Variants in CMC1 observed in about 807,000 individuals in gnomAD.
CMC1 encodes the protein COX assembly mitochondrial protein homolog.
Under a neutral mutation model 14.1 loss-of-function variants are expected in CMC1, and 14 were observed. The observed-to-expected ratio is 0.99, with a 90% CI of 0.66 to 1.55. The LOEUF (loss-of-function observed/expected upper bound fraction) is 1.55, where lower values mean the gene tolerates loss of function less well. Among genes scored for constraint, CMC1 ranks in the 40% most tolerant of loss-of-function variants. The pLI is 0.00. For missense variants in CMC1, 127 were observed against 123.8 expected (o/e 1.03, Z -0.12); for synonymous variants, 50 against 38.4 (o/e 1.30, Z -1.12).
At chr3:28,309,623 T>A (rs971011491) in intron 2 of CMC1, among the ~76,000 whole-genome samples, 3 of 152,144 alleles carry the variant, frequency 2.0e-5, no homozygotes, top group Non-Finnish European at 4.4e-5. Flanking sequence ...TGTACTAACT[T>A]TCTATCCAGT....
chr3:28,253,263 GA>G (rs1312977155), intron 1 of CMC1, among the ~76,000 whole-genome samples: 1 of 152,142 alleles, frequency 6.6e-6, no homozygotes, highest in Non-Finnish European at 1.5e-5. Context: ...TCTGCCTTTT[GA>G]GACTCTTCAT....
chr3:28,247,626 C>G (rs925894680), intron 1 of CMC1, among the ~76,000 whole-genome samples: 1 of 152,220 alleles, frequency 6.6e-6, no homozygotes, highest in Admixed American at 6.5e-5. Context: ...GATACCAGCT[C>G]TATCCTAAAA....
Position 28,324,312 on chromosome 3 carries a change from T to C in CMC1, c.*4683T>C. 2 of 1,606,992 alleles carry C rather than the reference T, an allele frequency of 1.2e-6. No homozygotes were observed. The highest frequency in any genetic ancestry group is 1.7e-6 in the Non-Finnish European group (2 of 1,175,492). On this transcript the variant is annotated 3_prime_UTR_variant, in exon 4 of 4. Coordinates refer to ENST00000466830, the MANE Select transcript of CMC1 (RefSeq NM_182523.2). ...CTGATAAAACCTTTACATCTCCTGG[T>C]AAAGGGGAAGATGTGGTATGACAAA... is the stretch of plus-strand genomic sequence containing the variant.
intron 2 of CMC1, among the ~76,000 whole-genome samples, chr3:28,301,794 A>G (rs927619515): frequency 6.6e-6 from 1 of 152,186 alleles, no homozygotes; most frequent in Non-Finnish European, 1.5e-5. Context: ...GCGCTGAGCC[A>G]GGAGAAGAGA....
chr3:28,295,529 C>T (rs1056882950), intron 2 of CMC1, among the ~76,000 whole-genome samples: 1 of 152,040 alleles, frequency 6.6e-6, no homozygotes, highest in African/African-American at 2.4e-5. Flanking sequence ...GAAAATGTAA[C>T]CTACTAGGTC....
intron 2 of CMC1, among the ~76,000 whole-genome samples, chr3:28,297,565 G>A (rs1031407704): frequency 6.6e-6 from 1 of 152,036 alleles, no homozygotes; most frequent in African/African-American, 2.4e-5. Flanking sequence ...AATTATTTTA[G>A]AGCTGAAATG....
intron 2 of CMC1, among the ~76,000 whole-genome samples, chr3:28,306,873 T>C (rs1445327065): frequency 6.6e-6 from 1 of 152,138 alleles, no homozygotes; most frequent in Admixed American, 6.5e-5. Context: ...TCTCCAATCC[T>C]GACCTCAGGT....
intron 2 of CMC1, among the ~76,000 whole-genome samples, chr3:28,307,184 A>G (rs1350305501): frequency 6.6e-6 from 1 of 152,202 alleles, no homozygotes; most frequent in African/African-American, 2.4e-5. Context: ...AATGGGATAC[A>G]AGTTTTTGTT....
In CMC1 at chr3:28,322,415, T is replaced by G. The variant is rs962817517; in HGVS notation, c.*2786T>G. On this transcript the variant is annotated 3_prime_UTR_variant, in exon 4 of 4. Coordinates refer to ENST00000466830, the MANE Select transcript of CMC1 (RefSeq NM_182523.2). ...AATTTCTTGGTATTGTTCAAAACAT[T>G]AATCAAGCAATTATCTCATAAGACT... is the stretch of plus-strand genomic sequence containing the variant. 1 of 151,642 alleles carries G rather than the reference T, an allele frequency of 6.6e-6. No individual in the cohort carries two copies. Among genetic ancestry groups the G allele is most frequent in the Non-Finnish European group, 1.5e-5 (1 of 67,432 alleles). The allele number at this position is 151,642 out of a possible 1,614,324, so 9.4% of individuals were successfully genotyped here.
chr3:28,255,336 G>T (rs1395309950), intron 1 of CMC1, among the ~76,000 whole-genome samples: 1 of 151,362 alleles, frequency 6.6e-6, no homozygotes, highest in Non-Finnish European at 1.5e-5. Context: ...CGCCTCCCGG[G>T]TTCAAGCAAT....
At chr3:28,300,145 G>A (rs755226350) in intron 2 of CMC1, among the ~76,000 whole-genome samples, 4 of 151,796 alleles carry the variant, frequency 2.6e-5, no homozygotes, top group East Asian at 3.9e-4. Context: ...AAAGTATCAC[G>A]TTATCATTGT....
At chr3:28,285,594 T>C (rs770925144) in intron 2 of CMC1, among the ~76,000 whole-genome samples, 2 of 151,628 alleles carry the variant, frequency 1.3e-5, no homozygotes, top group Non-Finnish European at 2.9e-5. Flanking sequence ...ATTCAGATGA[T>C]GGTTACACTA....
chr3:28,253,359 T>C (rs1286348784), intron 1 of CMC1, among the ~76,000 whole-genome samples: 1 of 152,094 alleles, frequency 6.6e-6, no homozygotes, highest in Non-Finnish European at 1.5e-5. Context: ...GGTGGATCGC[T>C]TGAGTCCAGG....
At chr3:28,310,664 T>C (rs965036813) in intron 2 of CMC1, among the ~76,000 whole-genome samples, 3 of 152,230 alleles carry the variant, frequency 2.0e-5, no homozygotes, top group African/African-American at 7.2e-5. Context: ...ATCTGCAGTG[T>C]ATAGATTTGC....
intron 2 of CMC1, among the ~76,000 whole-genome samples, chr3:28,287,655 G>T (rs1009732191): frequency 6.6e-6 from 1 of 151,684 alleles, no homozygotes; most frequent in Non-Finnish European, 1.5e-5. Flanking sequence ...TATTCCCTTC[G>T]AAAGATGCTA....
At chr3:28,287,703 T>C (rs1701259281) in intron 2 of CMC1, among the ~76,000 whole-genome samples, 1 of 152,016 alleles carries the variant, frequency 6.6e-6, no homozygotes, top group East Asian at 1.9e-4. Context: ...GGTTTTTATT[T>C]TTACCGTTAT....
chr3:28,278,350 T>C (rs1035448268), intron 2 of CMC1, among the ~76,000 whole-genome samples: 1 of 152,180 alleles, frequency 6.6e-6, no homozygotes, highest in African/African-American at 2.4e-5. Flanking sequence ...TTGAAGTGTC[T>C]TATTAATTAT....
chr3:28,248,956 A>T (rs1170035579), intron 1 of CMC1, among the ~76,000 whole-genome samples: 1 of 151,938 alleles, frequency 6.6e-6, no homozygotes, highest in Admixed American at 6.6e-5. Flanking sequence ...TGTCCGGCTA[A>T]TTTTTTTGTA....
rs1015523968 is a variant in CMC1, at chr3:28,291,370, T to C, written c.110-24963T>C. ...TTCTCTGTTTGCATTAACCTTTTTT[T>C]CCCCTCTATATTTACTGTGATTATC... On this transcript the variant is annotated intron_variant, in intron 2 of 3. Coordinates refer to ENST00000466830, the MANE Select transcript of CMC1 (RefSeq NM_182523.2). Among the ~76,000 whole-genome samples, 4 of 152,152 alleles carry C rather than the reference T, an allele frequency of 2.6e-5. No homozygotes were observed. In the East Asian group the frequency reaches 5.8e-4, roughly 22 times the overall value.
Sources: gnomAD v4.1 joint callset for allele counts (sites outside exome capture counted in the v4.1 genomes callset) on GRCh38, gnomAD v4.1.1 for gene constraint, MANE v1.5 for transcripts, NCBI Gene and HGNC (gene_info 2026-07-23, HGNC 2026-07-21) for gene names.